KCNJ10: variants seen among roughly 807,000 people sequenced by gnomAD.
The protein encoded by KCNJ10 is ATP-sensitive inward rectifier potassium channel 10.
Under a neutral mutation model 22.2 loss-of-function variants are expected in KCNJ10, and 9 were observed. The observed-to-expected ratio is 0.40, with a 90% CI of 0.24 to 0.71. The LOEUF is 0.71. KCNJ10 is among the 30% of genes least tolerant of loss of function. KCNJ10 has a pLI of 0.35. For missense variants in KCNJ10, 337 were observed against 482.7 expected (o/e 0.70, Z 2.83); for synonymous variants, 184 against 187.3 (o/e 0.98, Z 0.15).
Position 160,039,096 on chromosome 1 carries a change from G to C in KCNJ10, c.*2297C>G, listed in dbSNP as rs547996003. On this transcript the variant is annotated 3_prime_UTR_variant, in exon 2 of 2. Transcript: ENST00000644903. The stretch of plus-strand genomic sequence containing the variant: ...AAAGAACCATTTAGAGTTAAGGTAG[G>C]GGGTAGTTGTTCCCTGTAGGGGGCT... 7.2e-5 allele frequency: 11 copies of C among 152,828 alleles called. No homozygotes were observed. The highest frequency in any genetic ancestry group is 2.2e-4 in the African/African-American group (9 of 41,568). The allele number at this position is 152,828 out of a possible 1,614,324, so 9.5% of individuals were successfully genotyped here. A position where few individuals can be genotyped will look rare whatever the true frequency, so the allele number is the denominator to read the frequency against.
intron 1 of KCNJ10, among the ~76,000 whole-genome samples, chr1:160,065,965 A>G (rs966021499): frequency 3.9e-5 from 6 of 152,140 alleles, no homozygotes; most frequent in African/African-American, 1.4e-4. Flanking sequence ...GAGACACAAG[A>G]AGAGAAGGGC....
rs189546209 is a variant in KCNJ10 at position 160,057,235 on chromosome 1, A to C, written c.-1+12787T>G. 1.1e-3 allele frequency among the ~76,000 whole-genome samples: 175 copies of C among 152,342 alleles called. 1 individual carries two copies. Among genetic ancestry groups the C allele is most frequent in the African/African-American group, 4.1e-3 (171 of 41,570 alleles). ...TGAAAAATATTACTGAATCAGAGAAACTAAGGTTCAGAGACATAAAGTCAC... is the reference window on the plus strand; with the variant it reads ...TGAAAAATATTACTGAATCAGAGAACCTAAGGTTCAGAGACATAAAGTCAC... On this transcript the variant is annotated intron_variant, in intron 1 of 1. Transcript: ENST00000644903.
intron 1 of KCNJ10, among the ~76,000 whole-genome samples, chr1:160,066,390 T>A (rs572552734): frequency 2.6e-5 from 4 of 151,720 alleles, no homozygotes; most frequent in African/African-American, 9.7e-5. Flanking sequence ...TAGGACAGAA[T>A]CTCAAAACAA....
At chr1:160,045,887 C>T (rs765953240) in intron 1 of KCNJ10, among the ~76,000 whole-genome samples, 3 of 152,230 alleles carry the variant, frequency 2.0e-5, no homozygotes, top group African/African-American at 7.2e-5. Context: ...GAGGAACAAT[C>T]AGGGAGTTCA....
intron 1 of KCNJ10, among the ~76,000 whole-genome samples, chr1:160,065,732 G>A (rs1208751194): frequency 2.0e-5 from 3 of 152,146 alleles, no homozygotes; most frequent in African/African-American, 7.2e-5. Flanking sequence ...AAGGCATAAA[G>A]TCTCTTGAAG....
intron 1 of KCNJ10, among the ~76,000 whole-genome samples, chr1:160,049,675 TTATATATATATATATATATATATATATA>T (rs57790887): frequency 1.5e-4 from 7 of 47,096 alleles, no homozygotes; most frequent in South Asian, 8.8e-4. Flanking sequence ...TTTTATTTAT[TTATATATATATATATATATATATATATA>T]TATATATATA....
At chr1:160,068,128 C>T (rs1392848125) in intron 1 of KCNJ10, 1 of 152,246 alleles carries the variant, frequency 6.6e-6, no homozygotes, top group Non-Finnish European at 1.5e-5. Flanking sequence ...CATTAATCCC[C>T]TCACACAAAC....
At position 160,065,156 on chromosome 1, in the gene KCNJ10, A is replaced by G. The variant is rs190909642; in HGVS notation, c.-1+4866T>C. On this transcript the variant is annotated intron_variant, in intron 1 of 1. Transcript: ENST00000644903. ...GGGCTTGTAATCTTAGGGTGAAGCC[A>G]TGTCTACAGGATGGGGTCGTTAGTA... 2.6e-5 allele frequency: 4 copies of G among 152,300 alleles called. No homozygotes were observed. In the East Asian group the frequency reaches 7.7e-4, roughly 29 times the overall value. 9.4% of individuals were successfully genotyped at this position (152,300 alleles called of 1,614,324 possible). A position where few individuals can be genotyped will look rare whatever the true frequency, so the allele number is the denominator to read the frequency against.
chr1:160,050,717 T>C (rs1182640524), intron 1 of KCNJ10, among the ~76,000 whole-genome samples: 1 of 152,010 alleles, frequency 6.6e-6, no homozygotes, highest in African/African-American at 2.4e-5. Flanking sequence ...AAGGATCCAT[T>C]CATTTTGGTT....
chr1:160,060,626 G>A (rs1649168438), intron 1 of KCNJ10, among the ~76,000 whole-genome samples: 1 of 152,146 alleles, frequency 6.6e-6, no homozygotes, highest in Admixed American at 6.5e-5. Context: ...CAGAGTTTCT[G>A]CAACTGTGAC....
chr1:160,049,509 T>C (rs998364377), intron 1 of KCNJ10, among the ~76,000 whole-genome samples: 1 of 151,538 alleles, frequency 6.6e-6, no homozygotes, highest in Non-Finnish European at 1.5e-5. Context: ...CATGAAGCCT[T>C]CTCTGATTCC....
intron 1 of KCNJ10, 123 bp from the exon 2 acceptor site, chr1:160,042,655 CA>C (rs1648640164): frequency 1.1e-6 from 1 of 951,082 alleles, no homozygotes; most frequent in East Asian, 2.6e-5. Flanking sequence ...CTTGTCTTAC[CA>C]AATATTTATT....
chr1:160,061,392 C>T (rs1375402678), intron 1 of KCNJ10, among the ~76,000 whole-genome samples: 3 of 152,094 alleles, frequency 2.0e-5, no homozygotes, highest in African/African-American at 4.8e-5. Context: ...AATGCAAAGA[C>T]GGACACACTG....
At chr1:160,055,293 G>A (rs566465770) in intron 1 of KCNJ10, among the ~76,000 whole-genome samples, 4 of 152,252 alleles carry the variant, frequency 2.6e-5, no homozygotes, top group East Asian at 3.9e-4. Flanking sequence ...CCAGTCTAGG[G>A]GGGGCAGGGG....
At chr1:160,068,040 C>T (rs549136100) in intron 1 of KCNJ10, 16 of 152,282 alleles carry the variant, frequency 1.1e-4, no homozygotes, top group African/African-American at 2.6e-4. Context: ...AGCTTATGCA[C>T]AGTGATGCAG....
intron 1 of KCNJ10, among the ~76,000 whole-genome samples, chr1:160,050,791 A>T (rs1456555113): frequency 6.6e-6 from 1 of 151,774 alleles, no homozygotes; most frequent in Non-Finnish European, 1.5e-5. Flanking sequence ...ATGTGCTGTG[A>T]CCCCTCAACA....
At chr1:160,060,155 T>A (rs1421802382) in intron 1 of KCNJ10, among the ~76,000 whole-genome samples, 3 of 152,038 alleles carry the variant, frequency 2.0e-5, no homozygotes, top group African/African-American at 7.3e-5. Context: ...CCCTCTCAAC[T>A]TTTTACTTAT....
At chr1:160,044,499 T>G (rs1557968831) in intron 1 of KCNJ10, among the ~76,000 whole-genome samples, 1 of 152,192 alleles carries the variant, frequency 6.6e-6, no homozygotes. Flanking sequence ...TTTTGAGGAA[T>G]GAGAACAGAA....
chr1:160,041,336 C>A lies in KCNJ10; in HGVS notation c.*57G>T, dbSNP rs1648594762. 10 of 1,534,874 alleles carry A rather than the reference C, an allele frequency of 6.5e-6. No homozygotes were observed. The South Asian group carries it at 1.0e-4, about 16-fold the overall frequency. Reference sequence around the variant, plus strand: ...AGTAAACCCGGGTAGTATTCCTTACCAGGGCATTGGAAGAGAGGAAAAGAG... The same window carrying A: ...AGTAAACCCGGGTAGTATTCCTTACAAGGGCATTGGAAGAGAGGAAAAGAG... On this transcript the variant is annotated 3_prime_UTR_variant, in exon 2 of 2. Coordinates refer to ENST00000644903, the MANE Select transcript of KCNJ10 (RefSeq NM_002241.5). This position sits in a 1 kb window ranked among gnomAD's most constrained non-coding sequence, Gnocchi z 4.4.
Sources: gnomAD v4.1 joint callset for allele counts (sites outside exome capture counted in the v4.1 genomes callset) on GRCh38, gnomAD v4.1.1 for gene constraint, Gnocchi (gnomAD v3.1) non-coding constraint, MANE v1.5 for transcripts, NCBI Gene and HGNC (gene_info 2026-07-23, HGNC 2026-07-21) for gene names.